The following RAPGEF5 variants were observed in gnomAD, a reference collection of about 807,000 sequenced individuals.
The protein encoded by RAPGEF5 is M-Ras-regulated GEF.
In RAPGEF5, 65 loss-of-function variants were observed where a neutral mutation model predicts 125.2. The observed-to-expected ratio is 0.52, with a 90% CI of 0.43 to 0.64. The LOEUF is 0.64. Ranked by LOEUF, RAPGEF5 falls within the 30% of genes least tolerant of loss-of-function variation. The pLI is 0.00. For missense variants in RAPGEF5, 958 were observed against 1,048.1 expected, an observed-to-expected ratio of 0.91 and a Z score of 1.19; for synonymous variants, 391 against 385.9, an observed-to-expected ratio of 1.01 and a Z score of -0.16.
At chr7:22,163,072 T>G (rs539356456) in intron 12 of RAPGEF5, 2 of 445,778 alleles carry the variant, frequency 4.5e-6, no homozygotes, top group Non-Finnish European at 9.0e-6. Flanking sequence ...CTTGAAAACA[T>G]TGGATACATG....
intron 24 of RAPGEF5, 89 bp from the exon 25 acceptor site, chr7:22,125,747 T>G (rs375591035): frequency 4.1e-6 from 5 of 1,205,958 alleles, no homozygotes. Flanking sequence ...AAGGATAATC[T>G]AGCACTCTTG....
At chr7:22,225,572 T>C (rs1056300329) in intron 8 of RAPGEF5, among the ~76,000 whole-genome samples, 1 of 152,184 alleles carries the variant, frequency 6.6e-6, no homozygotes, top group African/African-American at 2.4e-5. Flanking sequence ...TTCCTCAGGG[T>C]CCCTTTCAGA....
intron 16 of RAPGEF5, among the ~76,000 whole-genome samples, chr7:22,156,207 T>C (rs183641577): frequency 2.5e-4 from 38 of 152,368 alleles, no homozygotes; most frequent in Admixed American, 1.7e-3. Context: ...AATTTTAATT[T>C]GCTGTGTTTT....
chr7:22,166,510 G>A (rs1299325561), intron 12 of RAPGEF5, among the ~76,000 whole-genome samples: 1 of 152,110 alleles, frequency 6.6e-6, no homozygotes, highest in Non-Finnish European at 1.5e-5. Context: ...TCCTTAACTG[G>A]TCATTAACCT....
intron 25 of RAPGEF5, among the ~76,000 whole-genome samples, chr7:22,123,976 CCGTTAAAA>C (rs1782660258): frequency 6.6e-6 from 1 of 152,168 alleles, no homozygotes; most frequent in Admixed American, 6.6e-5. Flanking sequence ...CTCATATAAA[CCGTTAAAA>C]TGAATTCGGA....
chr7:22,124,679 A>AATGGG (rs1226730786), intron 25 of RAPGEF5, among the ~76,000 whole-genome samples: 2 of 152,220 alleles, frequency 1.3e-5, no homozygotes, highest in Admixed American at 6.5e-5. Flanking sequence ...ATTGTTTTAC[A>AATGGG]ATGGGCATGT....
At chr7:22,122,847 T>C (rs1782622641) in intron 25 of RAPGEF5, among the ~76,000 whole-genome samples, 1 of 152,224 alleles carries the variant, frequency 6.6e-6, no homozygotes, top group Non-Finnish European at 1.5e-5. Flanking sequence ...CAGCCAGGAT[T>C]CGGACCCAGG....
intron 1 of RAPGEF5, among the ~76,000 whole-genome samples, chr7:22,354,479 C>G (rs1230694623): frequency 2.0e-5 from 3 of 152,180 alleles, no homozygotes; most frequent in Non-Finnish European, 4.4e-5. Flanking sequence ...GCTAACAAGT[C>G]ACCAACCAAC....
At chr7:22,301,050 A>C (rs1309398035) in intron 5 of RAPGEF5, among the ~76,000 whole-genome samples, 1 of 151,512 alleles carries the variant, frequency 6.6e-6, no homozygotes, top group Admixed American at 6.6e-5. Context: ...TGTGTAGGTC[A>C]CTTCTCCAAA....
At chr7:22,240,862 T>C (rs1786313638) in intron 7 of RAPGEF5, among the ~76,000 whole-genome samples, 1 of 151,568 alleles carries the variant, frequency 6.6e-6, no homozygotes, top group African/African-American at 2.4e-5. Context: ...AATTAAATTG[T>C]AAAAGATTTA....
At chr7:22,341,961 T>C (rs1230626853) in intron 1 of RAPGEF5, among the ~76,000 whole-genome samples, 1 of 152,102 alleles carries the variant, frequency 6.6e-6, no homozygotes, top group African/African-American at 2.4e-5. Flanking sequence ...CTCCACTAGG[T>C]GGTAGAGAGC....
chr7:22,330,003 G>A (rs1461767832), intron 1 of RAPGEF5, among the ~76,000 whole-genome samples: 1 of 152,166 alleles, frequency 6.6e-6, no homozygotes, highest in Non-Finnish European at 1.5e-5. Flanking sequence ...CCCACAGTCT[G>A]TCTACAAGAC....
At chr7:22,312,639 A>G (rs1783499602) in intron 3 of RAPGEF5, among the ~76,000 whole-genome samples, 1 of 152,188 alleles carries the variant, frequency 6.6e-6, no homozygotes, top group South Asian at 2.1e-4. Flanking sequence ...AATATGCTAG[A>G]ACACAGTACT....
intron 6 of RAPGEF5, among the ~76,000 whole-genome samples, chr7:22,287,366 A>G (rs2128146380): frequency 6.6e-6 from 1 of 152,338 alleles, no homozygotes; most frequent in Admixed American, 6.5e-5. Context: ...CCTCTTCCAG[A>G]GTAAAATTTC....
chr7:22,238,638 T>C (rs954601325), intron 7 of RAPGEF5, among the ~76,000 whole-genome samples: 10 of 152,344 alleles, frequency 6.6e-5, no homozygotes, highest in African/African-American at 2.2e-4. Context: ...TTTCAGTAAG[T>C]GAGATCAACT....
At chr7:22,164,205 T>C (rs1231789703) in intron 12 of RAPGEF5, among the ~76,000 whole-genome samples, 1 of 152,088 alleles carries the variant, frequency 6.6e-6, no homozygotes, top group Non-Finnish European at 1.5e-5. Context: ...GTGATGGGCA[T>C]CTGTAGAGCC....
intron 13 of RAPGEF5, 62 bp from the exon 14 acceptor site, chr7:22,160,677 T>C: frequency 6.9e-7 from 1 of 1,454,888 alleles, no homozygotes; most frequent in Non-Finnish European, 9.0e-7. Flanking sequence ...GGATTAAGAC[T>C]CATACCATGG....
chr7:22,136,563 T>A (rs1032247545), intron 22 of RAPGEF5, among the ~76,000 whole-genome samples: 8 of 151,854 alleles, frequency 5.3e-5, no homozygotes, highest in Non-Finnish European at 8.8e-5. Context: ...CTATAATTTT[T>A]AAAAATCTCA....
intron 25 of RAPGEF5, 114 bp downstream of exon 25, chr7:22,125,490 T>C: frequency 1.0e-6 from 1 of 976,234 alleles, no homozygotes; most frequent in Non-Finnish European, 1.6e-6. Flanking sequence ...TGCGTATGTA[T>C]ATACATATGA....
Sources: allele counts gnomAD v4.1 joint callset (sites outside exome capture counted in the v4.1 genomes callset), GRCh38; gene constraint gnomAD v4.1.1; transcripts MANE v1.5; gene names NCBI Gene and HGNC (gene_info 2026-07-23, HGNC 2026-07-21).